Variants in SH3GL3 observed in about 807,000 individuals in gnomAD.
SH3GL3 encodes the protein SH3 domain containing GRB2 like 3, endophilin A3.
Under a neutral mutation model 47.7 loss-of-function variants are expected in SH3GL3, and 33 were observed. That is an observed-to-expected ratio of 0.69 (90% CI 0.52 to 0.92). The LOEUF (loss-of-function observed/expected upper bound fraction) is 0.92. Among genes scored for constraint, SH3GL3 ranks in the 40% least tolerant of loss-of-function variants. The pLI is 0.00. For synonymous variants in SH3GL3, 155 were observed against 148.8 expected (o/e 1.04, Z -0.30); for missense variants, 363 against 417.8 (o/e 0.87, Z 1.14).
intron 1 of SH3GL3, among the ~76,000 whole-genome samples, chr15:83,476,290 C>T (rs2041093192): frequency 6.6e-6 from 1 of 152,164 alleles, no homozygotes; most frequent in African/African-American, 2.4e-5. Flanking sequence ...AAGTACAGTA[C>T]AGTATTTGTT....
At chr15:83,595,014 G>A (rs1405084134) in intron 8 of SH3GL3, among the ~76,000 whole-genome samples, 1 of 152,058 alleles carries the variant, frequency 6.6e-6, no homozygotes, top group African/African-American at 2.4e-5. Context: ...TATACCCAAA[G>A]GAATATAAAT....
intron 5 of SH3GL3, 87 bp downstream of exon 5, chr15:83,572,785 A>AC: frequency 3.1e-6 from 3 of 979,246 alleles, no homozygotes; most frequent in Non-Finnish European, 4.6e-6. Flanking sequence ...GCAGACTGAA[A>AC]GCATCATCTT....
chr15:83,598,317 C>T (rs912984640), intron 8 of SH3GL3, among the ~76,000 whole-genome samples: 1 of 152,254 alleles, frequency 6.6e-6, no homozygotes, highest in East Asian at 1.9e-4. Flanking sequence ...GAGTTTTGAG[C>T]GCCCTTAGAC....
chr15:83,557,918 G>C (rs1411325152), intron 1 of SH3GL3, among the ~76,000 whole-genome samples: 1 of 152,172 alleles, frequency 6.6e-6, no homozygotes, highest in Non-Finnish European at 1.5e-5. Context: ...GTAGTCTTCT[G>C]TATCTGTTGT....
intron 1 of SH3GL3, among the ~76,000 whole-genome samples, chr15:83,530,594 C>T (rs2043625004): frequency 6.6e-6 from 1 of 151,428 alleles, no homozygotes; most frequent in Non-Finnish European, 1.5e-5. Flanking sequence ...TTGAACCTCC[C>T]CGGCCCCTCC....
chr15:83,597,617 A>AT (rs994260674), intron 8 of SH3GL3, among the ~76,000 whole-genome samples: 73 of 149,570 alleles, frequency 4.9e-4, no homozygotes, highest in African/African-American at 1.5e-3. Flanking sequence ...AATTATTATT[A>AT]TTTTTTTTTG....
At chr15:83,626,700 C>T in the SH3GL3 span, among the ~76,000 whole-genome samples, 1 of 152,178 alleles carries the variant, frequency 6.6e-6, no homozygotes, top group South Asian at 2.1e-4. Context: ...TAGAGTAGCA[C>T]TTGGTAGAGG....
chr15:83,530,703 T>G (rs1376172773), intron 1 of SH3GL3, among the ~76,000 whole-genome samples: 3 of 152,100 alleles, frequency 2.0e-5, no homozygotes, highest in Non-Finnish European at 4.4e-5. Flanking sequence ...TAGACAAAAT[T>G]TTCAGTCATT....
chr15:83,516,208 A>G (rs1249599368), intron 1 of SH3GL3, among the ~76,000 whole-genome samples: 1 of 152,134 alleles, frequency 6.6e-6, no homozygotes, highest in African/African-American at 2.4e-5. Flanking sequence ...ATAAAACATA[A>G]GTGTACTGAC....
chr15:83,582,774 T>G (rs902864472), intron 6 of SH3GL3, among the ~76,000 whole-genome samples: 1 of 152,232 alleles, frequency 6.6e-6, no homozygotes, highest in African/African-American at 2.4e-5. Context: ...CTGCTAAGCC[T>G]CTGGGAAAAT....
At chr15:83,482,398 C>T (rs754790814) in intron 1 of SH3GL3, among the ~76,000 whole-genome samples, 3 of 151,826 alleles carry the variant, frequency 2.0e-5, no homozygotes, top group South Asian at 2.1e-4. Flanking sequence ...TTTTCTATAC[C>T]GGTGGAAATC....
chr15:83,470,346 T>C (rs1197435762), intron 1 of SH3GL3, among the ~76,000 whole-genome samples: 1 of 152,184 alleles, frequency 6.6e-6, no homozygotes, highest in Admixed American at 6.5e-5. Flanking sequence ...TGCCTCAGCC[T>C]CCCAAGTAGC....
intron 1 of SH3GL3, among the ~76,000 whole-genome samples, chr15:83,505,392 T>C (rs1296074028): frequency 6.6e-6 from 1 of 152,126 alleles, no homozygotes; most frequent in Non-Finnish European, 1.5e-5. Flanking sequence ...ATCCGTGGTA[T>C]TATTGGTCTT....
chr15:83,492,602 CA>C (rs2041920448), intron 1 of SH3GL3, among the ~76,000 whole-genome samples: 1 of 152,206 alleles, frequency 6.6e-6, no homozygotes, highest in Non-Finnish European at 1.5e-5. Flanking sequence ...CAAGGTTACA[CA>C]TGGTAAGCGG....
chr15:83,555,305 AAC>A (rs533721970), intron 1 of SH3GL3, among the ~76,000 whole-genome samples: 79 of 152,300 alleles, frequency 5.2e-4, no homozygotes, highest in Middle Eastern at 3.4e-3. Flanking sequence ...TAATATCCTA[AAC>A]ACACATTAAA....
chr15:83,511,524 A>G (rs2042749206), intron 1 of SH3GL3, among the ~76,000 whole-genome samples: 4 of 152,248 alleles, frequency 2.6e-5, no homozygotes, highest in African/African-American at 4.8e-5. Flanking sequence ...CAGCAGCAAT[A>G]GTTCAAAAGG....
chr15:83,626,437 T>C, the SH3GL3 span, among the ~76,000 whole-genome samples: 5 of 152,224 alleles, frequency 3.3e-5, no homozygotes, highest in Non-Finnish European at 2.9e-5. Flanking sequence ...AGGGGTGGTC[T>C]GAAGCCTTTT....
rs1430722173 is a variant in SH3GL3, at chr15:83,602,392, T to C, written c.838+13621T>C. Among the ~76,000 whole-genome samples the C allele has an allele frequency of 2.0e-5, 3 of 152,264 alleles. No homozygotes were observed. The South Asian group carries it at 6.2e-4, about 32-fold the overall frequency. ...AGTCTGGAGGCTGAGATGTCTAAAA[T>C]CAAGGTGCCAGCAGAACTGGTGCCT... On this transcript the variant is annotated intron_variant, in intron 8 of 8. Coordinates refer to ENST00000427482, the MANE Select transcript of SH3GL3 (RefSeq NM_003027.5).
intron 1 of SH3GL3, among the ~76,000 whole-genome samples, chr15:83,484,023 C>T (rs2041486470): frequency 6.6e-6 from 1 of 152,228 alleles, no homozygotes; most frequent in Admixed American, 6.5e-5. Context: ...TGTCATCTTT[C>T]TGTGTTTTAA....
Sources: gnomAD v4.1 joint callset for allele counts (sites outside exome capture counted in the v4.1 genomes callset) on GRCh38, gnomAD v4.1.1 for gene constraint, MANE v1.5 for transcripts, NCBI Gene and HGNC (gene_info 2026-07-23, HGNC 2026-07-21) for gene names.